VTI1A: variants seen among roughly 807,000 people sequenced by gnomAD.
The protein encoded by VTI1A is vesicle transport through interaction with t-SNAREs homolog 1A.
Under a neutral mutation model 34.9 loss-of-function variants are expected in VTI1A, and 22 were observed. The observed-to-expected ratio is 0.63, with a 90% CI of 0.45 to 0.90. The LOEUF (loss-of-function observed/expected upper bound fraction) is 0.90. VTI1A is among the 40% of genes least tolerant of loss of function. VTI1A has a pLI of 0.00. For missense variants in VTI1A, 268 were observed against 275.6 expected (o/e 0.97, Z 0.20); for synonymous variants, 87 against 97.3 (o/e 0.89, Z 0.62).
intron 7 of VTI1A, among the ~76,000 whole-genome samples, 159 bp from the exon 8 acceptor site, chr10:112,815,131 T>TCA (rs1554965917): frequency 4.6e-5 from 6 of 130,334 alleles, no homozygotes; most frequent in African/African-American, 9.0e-5. Flanking sequence ...GATGTCTCTT[T>TCA]CGCGCGCGCA....
chr10:112,755,227 G>C (rs747872301), intron 7 of VTI1A, among the ~76,000 whole-genome samples: 19 of 152,044 alleles, frequency 1.2e-4, no homozygotes, highest in South Asian at 2.1e-4. Context: ...CTGCACTCCA[G>C]CCTGGGTGAC....
intron 7 of VTI1A, among the ~76,000 whole-genome samples, chr10:112,711,730 T>C (rs555481586): frequency 9.0e-4 from 137 of 152,348 alleles, no homozygotes; most frequent in African/African-American, 3.2e-3. Context: ...TCATTTATTT[T>C]CTACTATGTG....
At position 112,527,874 on chromosome 10, in the gene VTI1A, C is replaced by T. The variant is rs188931437; in HGVS notation, c.342+710C>T. Among the ~76,000 whole-genome samples, 981 of 151,996 alleles carry T rather than the reference C, an allele frequency of 6.5e-3. 15 individuals are homozygous for T. Among genetic ancestry groups the T allele is most frequent in the African/African-American group, 0.022 (932 of 41,486 alleles). On this transcript the variant is annotated intron_variant, in intron 4 of 7. Transcript: ENST00000393077. ...AGTGTCATGAGTCTAATTAATGTCCCGCCTCTTTCTTTGAATTAATACTAC... is the reference window on the plus strand; with the variant it reads ...AGTGTCATGAGTCTAATTAATGTCCTGCCTCTTTCTTTGAATTAATACTAC...
intron 7 of VTI1A, among the ~76,000 whole-genome samples, chr10:112,712,178 C>G (rs1849440787): frequency 6.6e-6 from 1 of 152,130 alleles, no homozygotes; most frequent in African/African-American, 2.4e-5. Flanking sequence ...TATCTTCATT[C>G]TTCTCACCCT....
In VTI1A at chr10:112,530,053, T is replaced by C. The variant is rs546162394; in HGVS notation, c.342+2889T>C. ...ATTAGAAATGTTAAAAATTCAGAAATTAAGAATTTTTCAAAAGCATTTTTA... is the reference window on the plus strand; with the variant it reads ...ATTAGAAATGTTAAAAATTCAGAAACTAAGAATTTTTCAAAAGCATTTTTA... On this transcript the variant is annotated intron_variant, in intron 4 of 7. Transcript: ENST00000393077. 1.7e-4 allele frequency among the ~76,000 whole-genome samples: 26 copies of C among 152,254 alleles called. No individual in the cohort carries two copies. The South Asian group carries it at 5.2e-3, about 30-fold the overall frequency.
At chr10:112,580,379 A>C (rs1043454318) in intron 5 of VTI1A, among the ~76,000 whole-genome samples, 2 of 152,240 alleles carry the variant, frequency 1.3e-5, no homozygotes, top group African/African-American at 4.8e-5. Context: ...GAACTTAGAA[A>C]GAAGATGGGA....
intron 5 of VTI1A, among the ~76,000 whole-genome samples, chr10:112,567,575 C>T (rs944139303): frequency 6.6e-6 from 1 of 151,976 alleles, no homozygotes; most frequent in Non-Finnish European, 1.5e-5. Context: ...GTAATTAAGC[C>T]TTTTTCTCAT....
At chr10:112,454,320 G>A (rs545844006) in intron 1 of VTI1A, among the ~76,000 whole-genome samples, 12 of 152,144 alleles carry the variant, frequency 7.9e-5, no homozygotes, top group Admixed American at 2.0e-4. Context: ...TTGTTTGTAC[G>A]TCAGCACTAA....
intron 7 of VTI1A, among the ~76,000 whole-genome samples, chr10:112,750,163 G>C (rs894835168): frequency 2.0e-5 from 3 of 151,318 alleles, no homozygotes; most frequent in African/African-American, 7.4e-5. Context: ...GAAACAAAGA[G>C]ACTGACTTTT....
intron 5 of VTI1A, among the ~76,000 whole-genome samples, chr10:112,612,032 T>C (rs1051790574): frequency 6.6e-6 from 1 of 152,128 alleles, no homozygotes; most frequent in Non-Finnish European, 1.5e-5. Flanking sequence ...TGAACCACCG[T>C]GCCCAGCCTT....
chr10:112,819,572 C>T (rs1305344245), downstream of VTI1A, among the ~76,000 whole-genome samples: 1 of 152,118 alleles, frequency 6.6e-6, no homozygotes, highest in Non-Finnish European at 1.5e-5. Context: ...TCCGTGCCGT[C>T]AACTGGAGCT....
rs557189298 is a variant in VTI1A at position 112,709,682 on chromosome 10, C to CCT, written c.560+40684_560+40685insCT. ...CCCCAACAAGAGGCACTCTATGTGG[C>CCT]TTTTTTTTTTTTTTTTTTTTTTTTT... On this transcript the variant is annotated intron_variant, in intron 7 of 7. Coordinates refer to ENST00000393077, the MANE Select transcript of VTI1A (RefSeq NM_145206.4). 2.6e-4 allele frequency among the ~76,000 whole-genome samples: 18 copies of CCT among 70,282 alleles called. 2 individuals carry two copies. The highest frequency in any genetic ancestry group is 1.2e-3 in the African/African-American group (18 of 15,372). 46.1% of individuals were successfully genotyped at this position (70,282 alleles called of 152,430 possible). A position where few individuals can be genotyped will look rare whatever the true frequency, so the allele number is the denominator to read the frequency against.
rs1393319268 is a variant in VTI1A, at chr10:112,573,400, T to C, written c.427+35070T>C. ...CAACTCTTGCTGATAATAGAGGGTA[T>C]GTTTATTAGGAAAAAAAAACCCTAA... On this transcript the variant is annotated intron_variant, in intron 5 of 7. Coordinates refer to ENST00000393077, the MANE Select transcript of VTI1A (RefSeq NM_145206.4). 2.0e-5 allele frequency among the ~76,000 whole-genome samples: 3 copies of C among 152,210 alleles called. 1 individual carries two copies. The highest frequency in any genetic ancestry group is 7.2e-5 in the African/African-American group (3 of 41,458).
intron 7 of VTI1A, among the ~76,000 whole-genome samples, chr10:112,800,059 G>A (rs976664139): frequency 6.6e-6 from 1 of 152,182 alleles, no homozygotes; most frequent in Non-Finnish European, 1.5e-5. Flanking sequence ...CTGCCAAAAT[G>A]TTTGTCCTTC....
At chr10:112,572,268 G>T (rs971403645) in intron 5 of VTI1A, among the ~76,000 whole-genome samples, 11 of 152,184 alleles carry the variant, frequency 7.2e-5, no homozygotes, top group Non-Finnish European at 1.2e-4. Context: ...CAAATAAAAT[G>T]AAGACAATGA....
At chr10:112,612,045 G>T (rs2134520125) in intron 5 of VTI1A, among the ~76,000 whole-genome samples, 1 of 152,114 alleles carries the variant, frequency 6.6e-6, no homozygotes, top group Non-Finnish European at 1.5e-5. Flanking sequence ...CCAGCCTTGA[G>T]AAAGGTAATT....
intron 4 of VTI1A, among the ~76,000 whole-genome samples, chr10:112,531,315 A>G (rs891418608): frequency 6.6e-6 from 1 of 152,152 alleles, no homozygotes; most frequent in Non-Finnish European, 1.5e-5. Flanking sequence ...GATGTTGATT[A>G]TCATAACTCA....
chr10:112,493,431 A>C (rs1298613916), intron 3 of VTI1A, among the ~76,000 whole-genome samples: 1 of 151,982 alleles, frequency 6.6e-6, no homozygotes, highest in South Asian at 2.1e-4. Flanking sequence ...CTTCTTTCCA[A>C]TGTGTATACC....
intron 7 of VTI1A, among the ~76,000 whole-genome samples, chr10:112,773,283 T>C (rs925564935): frequency 6.6e-6 from 1 of 152,206 alleles, no homozygotes; most frequent in African/African-American, 2.4e-5. Context: ...AGGAAGTTTT[T>C]CCAAGGTTTG....
Sources: gnomAD v4.1 joint callset for allele counts (sites outside exome capture counted in the v4.1 genomes callset) on GRCh38, gnomAD v4.1.1 for gene constraint, MANE v1.5 for transcripts, NCBI Gene and HGNC (gene_info 2026-07-23, HGNC 2026-07-21) for gene names.